CDK5RAP2: variants seen among roughly 807,000 people sequenced by gnomAD.
CDK5RAP2 encodes CDK5 regulatory subunit associated protein 2.
In CDK5RAP2, 147 loss-of-function variants were observed where a neutral mutation model predicts 232.9. The ratio of observed to expected loss-of-function variants is 0.63; its 90% confidence interval spans 0.55 to 0.72. The LOEUF (loss-of-function observed/expected upper bound fraction) is 0.72, where lower values mean the gene tolerates loss of function less well. Ranked by LOEUF, CDK5RAP2 falls within the 30% of genes least tolerant of loss-of-function variation. CDK5RAP2 has a pLI of 0.00. For missense variants in CDK5RAP2, 2,195 were observed against 2,231.5 expected, an observed-to-expected ratio of 0.98 and a Z score of 0.33; for synonymous variants, 833 against 833.7, an observed-to-expected ratio of 1.00 and a Z score of 0.01.
intron 3 of CDK5RAP2, among the ~76,000 whole-genome samples, chr9:120,553,707 C>G (rs1050607415): frequency 1.3e-5 from 2 of 152,160 alleles, no homozygotes; most frequent in African/African-American, 4.8e-5. Context: ...TTAAACTGTT[C>G]ACATATGATT....
intron 12 of CDK5RAP2, among the ~76,000 whole-genome samples, chr9:120,501,516 T>C (rs1404921461): frequency 6.6e-6 from 1 of 152,210 alleles, no homozygotes; most frequent in Non-Finnish European, 1.5e-5. Flanking sequence ...ACCTGGCACA[T>C]AGCAGACACT....
At position 120,491,825 on chromosome 9, in the gene CDK5RAP2, A is replaced by G. The variant is rs2038924741; in HGVS notation, c.1312-348T>C. On this transcript the variant is annotated intron_variant, in intron 12 of 37. Coordinates refer to ENST00000349780, the MANE Select transcript of CDK5RAP2 (RefSeq NM_018249.6). The stretch of plus-strand genomic sequence containing the variant: ...TGAGTCAAAACAAACCAGAGTATCA[A>G]ACTGTACAGATAATAAGATGCTCAT... Among the ~76,000 whole-genome samples, 3 of 152,200 alleles carry G rather than the reference A, an allele frequency of 2.0e-5. No individual in the cohort carries two copies. In the South Asian group the frequency reaches 6.2e-4, roughly 31 times the overall value.
At chr9:120,555,896 T>A (rs79209984) in intron 3 of CDK5RAP2, among the ~76,000 whole-genome samples, 1 of 152,144 alleles carries the variant, frequency 6.6e-6, no homozygotes, top group Non-Finnish European at 1.5e-5. Context: ...GTAAATAAAA[T>A]TCAAAGACAT....
intron 26 of CDK5RAP2, among the ~76,000 whole-genome samples, chr9:120,422,365 G>A (rs2034617433): frequency 6.6e-6 from 1 of 152,204 alleles, no homozygotes; most frequent in Non-Finnish European, 1.5e-5. Flanking sequence ...ATTGGGGTCA[G>A]AATGAGAAAG....
chr9:120,567,223 A>T (rs781069100), intron 3 of CDK5RAP2, among the ~76,000 whole-genome samples: 1 of 152,256 alleles, frequency 6.6e-6, no homozygotes, highest in African/African-American at 2.4e-5. Flanking sequence ...AGCTGAAATT[A>T]TAACAACCCA....
chr9:120,545,324 T>C (rs1480508998), intron 5 of CDK5RAP2, among the ~76,000 whole-genome samples: 4 of 152,190 alleles, frequency 2.6e-5, no homozygotes, highest in African/African-American at 9.7e-5. Flanking sequence ...GAATCTACTA[T>C]ATAATTCCTT....
At position 120,549,187 on chromosome 9, in the gene CDK5RAP2, T is replaced by C. The variant is rs897587342; in HGVS notation, c.306+1605A>G. Among the ~76,000 whole-genome samples, 11 of 151,084 alleles carry C rather than the reference T, an allele frequency of 7.3e-5. No individual in the cohort carries two copies. The South Asian group carries it at 1.0e-3, about 14-fold the overall frequency. ...AAAAAAAAAAAGAGACAGAAAGATA[T>C]CATTAAGCGAAAAATATAAGGTGCA... On this transcript the variant is annotated intron_variant, in intron 4 of 37. Transcript: ENST00000349780.
Position 120,408,434 on chromosome 9 carries a change from G to GC in CDK5RAP2, c.4638dup (p.Leu1547AlafsTer5). 6.2e-7 allele frequency: 1 copy of GC among 1,614,086 alleles called. No homozygotes were observed. Among genetic ancestry groups the GC allele is most frequent in the Non-Finnish European group, 8.5e-7 (1 of 1,179,952 alleles). On this transcript the variant is annotated frameshift_variant, in exon 31 of 38. Coordinates refer to ENST00000349780, the MANE Select transcript of CDK5RAP2 (RefSeq NM_018249.6). LOFTEE classifies it high-confidence loss of function. The stretch of plus-strand genomic sequence containing the variant: ...TGCAATAGCTTGTCATTCTGTGAGA[G>GC]CAGCTGCTGCCTCAACTTCACCTCC...
chr9:120,498,336 A>G (rs1381916171), intron 12 of CDK5RAP2, among the ~76,000 whole-genome samples: 1 of 152,172 alleles, frequency 6.6e-6, no homozygotes, highest in Non-Finnish European at 1.5e-5. Flanking sequence ...GATCACCCCA[A>G]CATAAGAGAA....
At chr9:120,441,020 T>C (rs549259994) in intron 23 of CDK5RAP2, among the ~76,000 whole-genome samples, 1 of 152,298 alleles carries the variant, frequency 6.6e-6, no homozygotes, top group South Asian at 2.1e-4. Flanking sequence ...AGTGGAGTAG[T>C]ACAGCAGAAA....
chr9:120,408,211 C>T (rs1244845705), intron 31 of CDK5RAP2, 136 bp downstream of exon 31: 5 of 987,988 alleles, frequency 5.1e-6, no homozygotes, highest in Non-Finnish European at 8.0e-6. Flanking sequence ...AAAGAGCTAG[C>T]TTCAACACCC....
rs1285360360 is a variant in CDK5RAP2, at chr9:120,453,629, G to C, written c.2620C>G (p.Gln874Glu). 1 of 1,614,038 alleles carries C rather than the reference G, an allele frequency of 6.2e-7. No homozygotes were observed. The highest frequency in any genetic ancestry group is 8.5e-7 in the Non-Finnish European group (1 of 1,180,030). ...AGGTCGCCCTCCGTGGCCACAGTCT[G>C]CACTGAGGCATCTTTCAGTCCTACC... ...PKVGLKDASV[Q>E]TVATEGDLLR... The change falls in exon 21 of 38, where the codon CAG becomes GAG. Residue 874 changes from glutamine (Q) to glutamate (E), a missense_variant. Transcript: ENST00000349780.
intron 26 of CDK5RAP2, among the ~76,000 whole-genome samples, chr9:120,421,495 G>A (rs1302880812): frequency 2.6e-5 from 4 of 152,174 alleles, no homozygotes; most frequent in Non-Finnish European, 5.9e-5. Flanking sequence ...TCGCTCTAAC[G>A]ATGCAAGTGC....
intron 12 of CDK5RAP2, among the ~76,000 whole-genome samples, chr9:120,516,358 G>T (rs1232517358): frequency 8.6e-6 from 1 of 116,748 alleles, no homozygotes; most frequent in Non-Finnish European, 1.6e-5. Context: ...ACACTCCGGG[G>T]ACTGTTGTGG....
At position 120,411,401 on chromosome 9, in the gene CDK5RAP2, C is replaced by T. The variant is rs773765033; in HGVS notation, c.4371G>A (p.Lys1457=). ...GCATTGCATTGAGGGCCTGGTTCTG[C>T]TTCCTCAAGAAATGAATTTCTGATG... ...SLTSEIHFLR[K]QNQALNAMLI... is the part of the protein sequence containing the mutation. The change falls in exon 29 of 38, where the codon AAG becomes AAA. Residue 1457 remains lysine (K), a synonymous_variant. Transcript: ENST00000349780. The T allele has an allele frequency of 6.2e-7, 1 of 1,613,304 alleles. No homozygotes were observed. Among genetic ancestry groups the T allele is most frequent in the South Asian group, 1.1e-5 (1 of 91,058 alleles).
At chr9:120,508,039 A>G (rs1355701265) in intron 12 of CDK5RAP2, among the ~76,000 whole-genome samples, 1 of 148,624 alleles carries the variant, frequency 6.7e-6, no homozygotes, top group Admixed American at 6.8e-5. Context: ...CCAAGCCCTC[A>G]CACTTCCTCC....
chr9:120,497,421 TAAAAAAAAA>T (rs71385064), intron 12 of CDK5RAP2, among the ~76,000 whole-genome samples: 85 of 23,302 alleles, frequency 3.6e-3, no homozygotes, highest in Middle Eastern at 0.031. Context: ...AAAATAAATT[TAAAAAAAAA>T]AAAAAAAAAA....
intron 11 of CDK5RAP2, among the ~76,000 whole-genome samples, chr9:120,521,041 A>T (rs2040627547): frequency 6.6e-6 from 1 of 152,200 alleles, no homozygotes; most frequent in Admixed American, 6.5e-5. Flanking sequence ...AGTGGGTACA[A>T]CATAAATAAA....
chr9:120,398,646 A>C (rs1303534671), intron 35 of CDK5RAP2, among the ~76,000 whole-genome samples: 1 of 152,198 alleles, frequency 6.6e-6, no homozygotes, highest in Non-Finnish European at 1.5e-5. Flanking sequence ...ATTCAGAGAA[A>C]TCTACCTTCT....
Sources: gnomAD v4.1 joint callset for allele counts (sites outside exome capture counted in the v4.1 genomes callset) on GRCh38, gnomAD v4.1.1 for gene constraint, MANE v1.5 for transcripts, NCBI Gene and HGNC (gene_info 2026-07-23, HGNC 2026-07-21) for gene names.